The following TSPYL2 variants were observed in gnomAD, a reference collection of about 807,000 sequenced individuals.
TSPYL2 encodes testis-specific Y-encoded-like protein 2.
A neutral mutation model predicts 33.0 loss-of-function variants in TSPYL2; 9 were observed. The observed-to-expected ratio is 0.27, with a 90% CI of 0.16 to 0.48. TSPYL2 has a LOEUF of 0.48. Ranked by LOEUF, TSPYL2 falls within the 20% of genes least tolerant of loss-of-function variation. The pLI, the probability that TSPYL2 is intolerant of heterozygous loss-of-function variation, is 0.99. For synonymous variants in TSPYL2, 330 were observed against 233.6 expected (o/e 1.41, Z -3.77); for missense variants, 636 against 586.2 (o/e 1.08, Z -0.88).
At chrX:53,086,771 G>T in intron 6 of TSPYL2, 1 of 144,373 alleles carries the variant, frequency 6.9e-6, no homozygotes, top group Non-Finnish European at 1.3e-5. Flanking sequence ...ATCGGGGTGG[G>T]GGGGGTGGCG....
rs150581642 is a variant in TSPYL2, at chrX:53,084,029, G to A, written c.808-516G>A. Among the ~76,000 whole-genome samples, 792 of 111,909 alleles carry A rather than the reference G, an allele frequency of 7.1e-3. 4 individuals carry two copies. The highest frequency in any genetic ancestry group is 0.011 in the Non-Finnish European group (576 of 53,060). On this transcript the variant is annotated intron_variant, in intron 1 of 6. Transcript: ENST00000375442. The stretch of plus-strand genomic sequence containing the variant: ...TTAGCCCTCATATGAAACAGCACAT[G>A]GTAAGAGGCCCTTAGCACCCAGGCA...
chrX:53,083,391 TGGA>T, intron 1 of TSPYL2, 86 bp downstream of exon 1: 1 of 924,843 alleles, frequency 1.1e-6, no homozygotes, highest in Non-Finnish European at 1.5e-6. Context: ...GTAAAGCGGG[TGGA>T]GGAGAGCCAG....
chrX:53,086,570 A>G, intron 6 of TSPYL2: 1 of 404,928 alleles, frequency 2.5e-6, no homozygotes, highest in Non-Finnish European at 4.3e-6. Flanking sequence ...GAGATAGGAG[A>G]CAGTGGGTGG....
chrX:53,086,643 C>T, intron 6 of TSPYL2: 1 of 303,045 alleles, frequency 3.3e-6, no homozygotes, highest in Non-Finnish European at 5.8e-6. Flanking sequence ...CATTTCAGCA[C>T]AGTCTGTACC....
Position 53,084,774 on chromosome X carries a change from T to C in TSPYL2, c.905T>C (p.Ile302Thr), listed in dbSNP as rs1229404836. ...TNLQVQDLRHISMGYKMKLYF... is the reference protein window; with the variant it reads ...TNLQVQDLRHTSMGYKMKLYF... ...GAGCAGGTACAGGATCTCAGACATATCTCCATGGGCTACAAAATGAAGCTG... is the reference window on the plus strand; with the variant it reads ...GAGCAGGTACAGGATCTCAGACATACCTCCATGGGCTACAAAATGAAGCTG... Residue 302 changes from isoleucine to threonine, a missense_variant, in exon 3 of 7, where the codon ATC becomes ACC. Ile to Thr is a moderately conservative substitution (Grantham distance 89). Around this residue, in one of 3 missense-constraint regions of TSPYL2, gnomAD observed 401 missense variants for 363.0 expected, o/e 1.10. Transcript: ENST00000375442. 3 of 1,207,669 alleles carry C rather than the reference T, an allele frequency of 2.5e-6. No homozygotes were observed. Among genetic ancestry groups the C allele is most frequent in the Non-Finnish European group, 3.4e-6 (3 of 894,239 alleles).
intron 6 of TSPYL2, chrX:53,086,529 G>A (rs1932767988): frequency 6.9e-6 from 3 of 437,231 alleles, no homozygotes; most frequent in Admixed American, 4.1e-5. Context: ...ATGGATAGAT[G>A]GTTGTAACAG....
intron 1 of TSPYL2, among the ~76,000 whole-genome samples, chrX:53,083,588 G>T (rs782790049): frequency 1.7e-4 from 18 of 108,179 alleles, no homozygotes; most frequent in Non-Finnish European, 2.7e-4. Context: ...TTAAAAAAAG[G>T]ATCACAGATG....
intron 1 of TSPYL2, among the ~76,000 whole-genome samples, chrX:53,084,179 G>A (rs1932700007): frequency 8.9e-6 from 1 of 111,746 alleles, no homozygotes; most frequent in Non-Finnish European, 1.9e-5. Context: ...CACATCATGT[G>A]GACATGGACC....
rs1602101298 is a variant in TSPYL2 at position 53,082,394 on chromosome X, G to A, written c.-105G>A. The A allele has an allele frequency of 5.2e-6, 4 of 771,076 alleles. No individual in the cohort carries two copies. Among genetic ancestry groups the A allele is most frequent in the Admixed American group, 4.2e-5 (1 of 23,814 alleles). The allele number at this position is 771,076 out of a possible 1,213,427, so 63.5% of individuals were successfully genotyped here. The stretch of plus-strand genomic sequence containing the variant: ...AGCGAGGTGGTGAGGAGAGCTGGTT[G>A]CGTGAGTCTCCTCAGCTCTGCTTAC... On this transcript the variant is annotated 5_prime_UTR_variant, in exon 1 of 7. Transcript: ENST00000375442.
rs1556808619 is a variant in TSPYL2 at position 53,086,184 on chromosome X, G to T, written c.1792G>T (p.Asp598Tyr). ...TGAAGGTGACAATGAAGGCAGCGAT[G>T]ATGACGACAGAGACATTGAGTACTA... ...GNEGDNEGSDDDDRDIEYYEK... is the reference protein window; with the variant it reads ...GNEGDNEGSDYDDRDIEYYEK... Residue 598 changes from aspartate to tyrosine, a missense_variant, in exon 6 of 7, where the codon GAT (aspartate) becomes TAT (tyrosine). Physicochemically the swap from Asp to Tyr is radical, Grantham distance 160. This residue lies in a region of TSPYL2 where 401 missense variants were observed against 363.0 expected (regional missense o/e 1.10). Transcript: ENST00000375442. The T allele has an allele frequency of 1.1e-5, 13 of 1,208,450 alleles. No homozygotes were observed. Among genetic ancestry groups the T allele is most frequent in the Non-Finnish European group, 1.5e-5 (13 of 894,472 alleles).
rs1007915809 is a variant in TSPYL2, at chrX:53,083,404, G to A, written c.807+99G>A. ...AGGTAAAGCGGGTGGAGGAGAGCCA[G>A]AGGTGGGCATGATCCCCCTATCGGA... On this transcript the variant is annotated intron_variant, in intron 1 of 6. Coordinates refer to ENST00000375442, the MANE Select transcript of TSPYL2 (RefSeq NM_022117.4). 3 of 839,175 alleles carry A rather than the reference G, an allele frequency of 3.6e-6. No individual in the cohort carries two copies. The African/African-American group carries it at 6.1e-5, about 17-fold the overall frequency. 69.2% of individuals were successfully genotyped at this position (839,175 alleles called of 1,213,427 possible).
In TSPYL2 at chrX:53,088,160, G is replaced by A. The variant is rs973489455; in HGVS notation, c.*221G>A. ...CCCCTTCTTTTGGCCCTCCGCCCCC[G>A]CAGGCTTCTGTGTGCTGCTAACTGT... On this transcript the variant is annotated 3_prime_UTR_variant, in exon 7 of 7. Transcript: ENST00000375442. 3.2e-5 allele frequency: 13 copies of A among 411,287 alleles called. No homozygotes were observed. Among genetic ancestry groups the A allele is most frequent in the Non-Finnish European group, 3.8e-5 (9 of 236,222 alleles). 33.9% of individuals were successfully genotyped at this position (411,287 alleles called of 1,213,427 possible). A position where few individuals can be genotyped will look rare whatever the true frequency, so the allele number is the denominator to read the frequency against.
chrX:53,086,406 T>C (rs1162535548), intron 6 of TSPYL2, 96 bp downstream of exon 6: 7 of 848,789 alleles, frequency 8.2e-6, no homozygotes, highest in Non-Finnish European at 8.5e-6. Context: ...CACAATCTGC[T>C]TTTATGGAGG....
At position 53,082,581 on chromosome X, in the gene TSPYL2, C is replaced by G. The variant is rs1192226103; in HGVS notation, c.83C>G (p.Pro28Arg). 1 of 1,145,782 alleles carries G rather than the reference C, an allele frequency of 8.7e-7. No homozygotes were observed. Among genetic ancestry groups the G allele is most frequent in the Non-Finnish European group, 1.2e-6 (1 of 866,915 alleles). 94.4% of individuals were successfully genotyped at this position (1,145,782 alleles called of 1,213,427 possible). The change falls in exon 1 of 7, where the codon CCG (proline) becomes CGG (arginine). Residue 28 changes from proline to arginine, a missense_variant. Around this residue, in one of 3 missense-constraint regions of TSPYL2, gnomAD observed 231 missense variants for 201.6 expected, o/e 1.15. Coordinates refer to ENST00000375442, the MANE Select transcript of TSPYL2 (RefSeq NM_022117.4). ...SESPQRDPPP[P>R]PPPPPLLRLP... is the part of the protein sequence containing the mutation. ...TCTCCACAGCGCGACCCGCCCCCGC[C>G]GCCGCCGCCGCCGCCGCTCCTCCGA...
intron 1 of TSPYL2, among the ~76,000 whole-genome samples, chrX:53,083,678 C>T (rs1215331941): frequency 9.1e-6 from 1 of 109,990 alleles, no homozygotes; most frequent in Non-Finnish European, 1.9e-5. Flanking sequence ...GGGAGGGGCA[C>T]GTAGAAGATG....
At position 53,088,128 on chromosome X, in the gene TSPYL2, G is replaced by A. The variant is rs1932792819; in HGVS notation, c.*189G>A. On this transcript the variant is annotated 3_prime_UTR_variant, in exon 7 of 7. Transcript: ENST00000375442. ...TCTTATTTTGGGGGGAGGGAAAGGG[G>A]GCTAGTCCCCTTCTTTTGGCCCTCC... 2 of 443,307 alleles carry A rather than the reference G, an allele frequency of 4.5e-6. No homozygotes were observed. Among genetic ancestry groups the A allele is most frequent in the Non-Finnish European group, 7.7e-6 (2 of 259,953 alleles). 36.5% of individuals were successfully genotyped at this position (443,307 alleles called of 1,213,427 possible).
rs1556807840 is a variant in TSPYL2 at position 53,084,548 on chromosome X, C to T, written c.811C>T (p.Leu271Phe). 3.4e-6 allele frequency: 4 copies of T among 1,167,326 alleles called. No homozygotes were observed. The highest frequency in any genetic ancestry group is 1.8e-5 in the African/African-American group (1 of 55,835). Residue 271 changes from leucine (L) to phenylalanine (F), a missense_variant, in exon 2 of 7, where the codon CTC (leucine) becomes TTC (phenylalanine). This residue lies in a region of TSPYL2 where 401 missense variants were observed against 363.0 expected (regional missense o/e 1.10). Transcript: ENST00000375442. The part of the protein sequence containing the change: ...HIPGFWVKAF[L>F]NHPRISILIN... ...CCTAAACTGCTCCACTCATCAGTTCCTCAACCACCCCAGAATTTCAATTTT... is the reference window on the plus strand; with the variant it reads ...CCTAAACTGCTCCACTCATCAGTTCTTCAACCACCCCAGAATTTCAATTTT...
intron 5 of TSPYL2, 130 bp from the exon 6 acceptor site, chrX:53,085,501 C>A: frequency 1.3e-6 from 1 of 794,494 alleles, no homozygotes; most frequent in Non-Finnish European, 1.8e-6. Flanking sequence ...AGAAGTGGGA[C>A]TTTACCCACC....
chrX:53,086,320 T>TC lies in TSPYL2; in HGVS notation c.1918+18dup, dbSNP rs34358950. On this transcript the variant is annotated intron_variant, in intron 6 of 6. Coordinates refer to ENST00000375442, the MANE Select transcript of TSPYL2 (RefSeq NM_022117.4). ...GAGGGCATTGAGGAAGGTGAGCTAA[T>TC]CCCCCCCCACCCTTGTCTTCCCTCT... 4,704 of 1,138,608 alleles carry TC rather than the reference T, an allele frequency of 4.1e-3. 66 individuals carry two copies. In the African/African-American group the frequency reaches 0.057, roughly 14 times the overall value. The allele number at this position is 1,138,608 out of a possible 1,213,427, so 93.8% of individuals were successfully genotyped here.
Sources: allele counts gnomAD v4.1 joint callset (sites outside exome capture counted in the v4.1 genomes callset), GRCh38; gene constraint gnomAD v4.1.1; regional missense constraint gnomAD v4.1.1; transcripts MANE v1.5; gene names NCBI Gene and HGNC (gene_info 2026-07-23, HGNC 2026-07-21).